The following SLC35F4 variants were observed in gnomAD, a reference collection of about 807,000 sequenced individuals.
SLC35F4 encodes chromosome 14 open reading frame 36.
In SLC35F4, 24 loss-of-function variants were observed where a neutral mutation model predicts 44.2. The ratio of observed to expected loss-of-function variants is 0.54; its 90% CI spans 0.39 to 0.76. The LOEUF (loss-of-function observed/expected upper bound fraction) is 0.76. Ranked by LOEUF, SLC35F4 falls within the 30% of genes least tolerant of loss-of-function variation. The pLI is 0.00. For synonymous variants in SLC35F4, 238 were observed against 223.6 expected (o/e 1.06, Z -0.57); for missense variants, 562 against 586.1 (o/e 0.96, Z 0.42).
chr14:57,668,684 G>A (rs988597314), intron 1 of SLC35F4, among the ~76,000 whole-genome samples: 2 of 151,984 alleles, frequency 1.3e-5, no homozygotes, highest in Non-Finnish European at 2.9e-5. Context: ...TGTTCCATTG[G>A]CCTATATCTC....
At chr14:57,878,342 G>A (rs939949656) in intron 1 of SLC35F4, among the ~76,000 whole-genome samples, 1 of 152,012 alleles carries the variant, frequency 6.6e-6, no homozygotes, top group East Asian at 1.9e-4. Context: ...TCTAACCATA[G>A]CCAACCTGCT....
chr14:57,633,541 T>C (rs1266096623), intron 1 of SLC35F4, among the ~76,000 whole-genome samples: 1 of 152,144 alleles, frequency 6.6e-6, no homozygotes, highest in Non-Finnish European at 1.5e-5. Context: ...TAGACTCACA[T>C]AAAAGTTGCA....
At position 57,656,384 on chromosome 14, in the gene SLC35F4, C is replaced by T. The variant is rs77970322; in HGVS notation, c.104-62260G>A. 1.0e-3 allele frequency among the ~76,000 whole-genome samples: 71 copies of T among 68,776 alleles called. 1 individual carries two copies. Among genetic ancestry groups the T allele is most frequent in the South Asian group, 9.8e-3 (24 of 2,444 alleles). The allele number at this position is 68,776 out of a possible 152,430, so 45.1% of individuals were successfully genotyped here. A position where few individuals can be genotyped will look rare whatever the true frequency, so the allele number is the denominator to read the frequency against. ...GTATATATATATATATATACACACA[C>T]ACACACACACACACACACACACAGA... On this transcript the variant is annotated intron_variant, in intron 1 of 7. Transcript: ENST00000556826.
rs2068096185 is a variant in SLC35F4, at chr14:57,564,316, A to ATGAT, written c.1273_1276dup (p.Ile426AsnfsTer14). ...CATCAGCAGAAACCCAATGCAGATG[A>ATGAT]TGATGGTAGCAGCCAGGCGGACAAC... On this transcript the variant is annotated frameshift_variant, in exon 8 of 8. Coordinates refer to ENST00000556826, the MANE Select transcript of SLC35F4 (RefSeq NM_001306087.2). LOFTEE classifies it high-confidence loss of function. The ATGAT allele has an allele frequency of 6.2e-7, 1 of 1,612,106 alleles. No homozygotes were observed. Among genetic ancestry groups the ATGAT allele is most frequent in the African/African-American group, 1.3e-5 (1 of 74,914 alleles).
intron 1 of SLC35F4, among the ~76,000 whole-genome samples, chr14:57,671,075 TG>T (rs1351505482): frequency 6.6e-6 from 1 of 151,850 alleles, no homozygotes; most frequent in Non-Finnish European, 1.5e-5. Flanking sequence ...ACCTAATTTT[TG>T]TATTTTTAGT....
chr14:57,718,664 T>C (rs1029113560), intron 1 of SLC35F4, among the ~76,000 whole-genome samples: 2 of 152,234 alleles, frequency 1.3e-5, no homozygotes, highest in Non-Finnish European at 2.9e-5. Context: ...TCTATTCAAA[T>C]CTTTTGCCCA....
intron 1 of SLC35F4, among the ~76,000 whole-genome samples, chr14:57,722,797 G>A (rs962031714): frequency 6.6e-6 from 1 of 152,140 alleles, no homozygotes; most frequent in African/African-American, 2.4e-5. Context: ...AAACTTCTAG[G>A]TTGAATGGAC....
chr14:57,816,422 C>T lies in SLC35F4; in HGVS notation c.103+49301G>A, dbSNP rs140655523. Among the ~76,000 whole-genome samples, 117 of 152,084 alleles carry T rather than the reference C, an allele frequency of 7.7e-4. No homozygotes were observed. In the Middle Eastern group the frequency reaches 0.01, roughly 13 times the overall value. On this transcript the variant is annotated intron_variant, in intron 1 of 7. Coordinates refer to ENST00000556826, the MANE Select transcript of SLC35F4 (RefSeq NM_001306087.2). ...ATGAACCTCCCTATAGTCTAAATTT[C>T]CACTATTCAGAAACCTTAGCTCAGG...
At chr14:57,807,507 T>C (rs1233136824) in intron 1 of SLC35F4, among the ~76,000 whole-genome samples, 1 of 151,940 alleles carries the variant, frequency 6.6e-6, no homozygotes, top group African/African-American at 2.4e-5. Flanking sequence ...GCACCACTTT[T>C]AGGGAAGTTT....
intron 2 of SLC35F4, among the ~76,000 whole-genome samples, chr14:57,592,115 T>C (rs1001648750): frequency 2.0e-5 from 3 of 152,238 alleles, no homozygotes; most frequent in Admixed American, 6.5e-5. Flanking sequence ...TGCTTAGATT[T>C]TGTTATCATT....
chr14:57,969,690 G>A (rs572989467), intron 1 of SLC35F4, among the ~76,000 whole-genome samples: 7 of 152,166 alleles, frequency 4.6e-5, no homozygotes, highest in Admixed American at 1.3e-4. Context: ...TATGAGATAC[G>A]CCATAATTTA....
chr14:57,596,735 G>T (rs771039729), intron 1 of SLC35F4: 4 of 1,297,268 alleles, frequency 3.1e-6, no homozygotes, highest in Non-Finnish European at 4.2e-6. Context: ...GAATGTATAA[G>T]CCACACCAGT....
chr14:57,825,768 T>C (rs147133880), intron 1 of SLC35F4, among the ~76,000 whole-genome samples: 2,973 of 152,134 alleles, frequency 0.02, 86 homozygotes, highest in African/African-American at 0.067. Flanking sequence ...CCATTCACAA[T>C]TGCTACAAAG....
chr14:57,695,118 T>A (rs976477176), intron 1 of SLC35F4, among the ~76,000 whole-genome samples: 1 of 152,118 alleles, frequency 6.6e-6, no homozygotes, highest in Admixed American at 6.6e-5. Context: ...GGGCAAGGAC[T>A]TCATGTCTAA....
At chr14:57,746,722 T>C (rs61274803) in intron 1 of SLC35F4, among the ~76,000 whole-genome samples, 7,142 of 152,250 alleles carry the variant, frequency 0.047, 411 homozygotes, top group East Asian at 0.18. Context: ...GGTTGGTTGG[T>C]TGATTGGTTG....
intron 1 of SLC35F4, among the ~76,000 whole-genome samples, chr14:57,672,858 T>C (rs1242478867): frequency 6.6e-6 from 1 of 152,064 alleles, no homozygotes; most frequent in Non-Finnish European, 1.5e-5. Flanking sequence ...TCTGAATCCT[T>C]TCATGTGAAA....
intron 1 of SLC35F4, among the ~76,000 whole-genome samples, chr14:57,813,555 A>G (rs1432266332): frequency 6.6e-6 from 1 of 152,176 alleles, no homozygotes; most frequent in African/African-American, 2.4e-5. Context: ...GACTGTCTCA[A>G]AAAAATAAAA....
At chr14:57,714,916 A>C (rs1216761910) in intron 1 of SLC35F4, among the ~76,000 whole-genome samples, 2 of 152,180 alleles carry the variant, frequency 1.3e-5, no homozygotes, top group Admixed American at 1.3e-4. Flanking sequence ...AAATGCAAAG[A>C]GTGGGAAGAT....
chr14:57,577,669 T>TA (rs2068892664), intron 4 of SLC35F4, among the ~76,000 whole-genome samples: 2 of 150,036 alleles, frequency 1.3e-5, no homozygotes, highest in African/African-American at 2.4e-5. Context: ...GAACCTTTTT[T>TA]TAAAAAAAAA....
Sources: allele counts gnomAD v4.1 joint callset (sites outside exome capture counted in the v4.1 genomes callset), GRCh38; gene constraint gnomAD v4.1.1; transcripts MANE v1.5; gene names NCBI Gene and HGNC (gene_info 2026-07-23, HGNC 2026-07-21).